The following TBC1D22A variants were observed in gnomAD, a reference collection of about 807,000 sequenced individuals.
TBC1D22A encodes TBC1 domain family member 22A, also known as putative GTPase activator.
A neutral mutation model predicts 60.2 loss-of-function variants in TBC1D22A; 38 were observed. The ratio of observed to expected loss-of-function variants is 0.63; its 90% CI spans 0.49 to 0.83. The LOEUF (loss-of-function observed/expected upper bound fraction) is 0.83. TBC1D22A is among the 40% of genes least tolerant of loss of function. The pLI is 0.00. For synonymous variants in TBC1D22A, 302 were observed against 281.7 expected (o/e 1.07, Z -0.72); for missense variants, 628 against 701.0 (o/e 0.90, Z 1.18).
intron 11 of TBC1D22A, among the ~76,000 whole-genome samples, chr22:47,047,363 G>T (rs976914234): frequency 1.3e-5 from 2 of 152,264 alleles, no homozygotes; most frequent in African/African-American, 4.8e-5. Context: ...TTTGTGGCCG[G>T]TGATTGAAAT....
intron 9 of TBC1D22A, among the ~76,000 whole-genome samples, chr22:46,984,894 T>C (rs2074663144): frequency 6.6e-6 from 1 of 152,148 alleles, no homozygotes; most frequent in Non-Finnish European, 1.5e-5. Context: ...GAGTTGACCA[T>C]TGATGTTAAT....
intron 4 of TBC1D22A, among the ~76,000 whole-genome samples, chr22:46,861,267 C>T (rs548988177): frequency 2.0e-5 from 3 of 152,204 alleles, no homozygotes; most frequent in South Asian, 2.1e-4. Context: ...TTTTATCTCA[C>T]GTAAAATGAC....
Position 47,112,209 on chromosome 22 carries a change from C to T in TBC1D22A, c.1425+606C>T, listed in dbSNP as rs114917116. ...CCACCCCACGTGTTCCTCTGTGAGG[C>T]GTCCCGGGCACACTGTGGACTGTTG... On this transcript the variant is annotated intron_variant, in intron 12 of 12. Coordinates refer to ENST00000337137, the MANE Select transcript of TBC1D22A (RefSeq NM_014346.5). 3.0e-3 allele frequency among the ~76,000 whole-genome samples: 459 copies of T among 152,342 alleles called. 2 individuals are homozygous for T. Among genetic ancestry groups the T allele is most frequent in the African/African-American group, 0.01 (424 of 41,578 alleles).
intron 11 of TBC1D22A, among the ~76,000 whole-genome samples, chr22:47,059,375 G>A (rs979476348): frequency 2.6e-5 from 4 of 152,310 alleles, no homozygotes; most frequent in East Asian, 3.9e-4. Flanking sequence ...GCGTCCCCCC[G>A]GCCTCTCACA....
At chr22:46,883,336 T>C (rs2067944168) in intron 5 of TBC1D22A, among the ~76,000 whole-genome samples, 1 of 152,264 alleles carries the variant, frequency 6.6e-6, no homozygotes, top group South Asian at 2.1e-4. Flanking sequence ...AGTGTTTTTA[T>C]AGCATGCTAA....
chr22:47,100,405 G>C (rs907145290), intron 11 of TBC1D22A, among the ~76,000 whole-genome samples: 7 of 151,962 alleles, frequency 4.6e-5, no homozygotes, highest in Admixed American at 3.3e-4. Flanking sequence ...GCAGGGGCAA[G>C]GCCTGGAGAG....
chr22:47,061,389 G>C (rs980538024), intron 11 of TBC1D22A, among the ~76,000 whole-genome samples: 1 of 152,000 alleles, frequency 6.6e-6, no homozygotes, highest in Non-Finnish European at 1.5e-5. Context: ...TGCCTTGGTC[G>C]TGGTCCCTGC....
At chr22:47,041,344 C>A (rs1297078387) in intron 11 of TBC1D22A, among the ~76,000 whole-genome samples, 1 of 152,200 alleles carries the variant, frequency 6.6e-6, no homozygotes, top group East Asian at 1.9e-4. Flanking sequence ...CGGATCTGGT[C>A]ATTCCTCTAC....
chr22:46,793,770 C>A lies in TBC1D22A; in HGVS notation c.389C>A (p.Pro130Gln), dbSNP rs189329763. The A allele has an allele frequency of 4.4e-6, 7 of 1,604,114 alleles. No individual in the cohort carries two copies. In the African/African-American group the frequency reaches 9.4e-5, roughly 21 times the overall value. The change falls in exon 3 of 13, where the codon CCG (proline) becomes CAG (glutamine). Residue 130 changes from proline to glutamine, a missense_variant. By Grantham distance (76) the Pro-to-Gln change is moderately conservative. Transcript: ENST00000337137. The stretch of plus-strand genomic sequence containing the variant: ...CAGAAGCCCAGGCCCGAGGCAGAGC[C>A]GCCCTCACCCCCCAGCGGCGACCTC... ...LQQKPRPEAE[P>Q]PSPPSGDLRL... is the part of the protein sequence containing the mutation.
intron 9 of TBC1D22A, among the ~76,000 whole-genome samples, chr22:46,992,309 C>T (rs978013992): frequency 1.3e-5 from 2 of 152,264 alleles, no homozygotes; most frequent in East Asian, 1.9e-4. Flanking sequence ...ACGACCCGTC[C>T]GAAACGTTGC....
At chr22:46,902,277 T>C (rs916546463) in intron 7 of TBC1D22A, among the ~76,000 whole-genome samples, 6 of 152,262 alleles carry the variant, frequency 3.9e-5, no homozygotes, top group Non-Finnish European at 8.8e-5. Flanking sequence ...TCTTCAGCCC[T>C]GGTGGTACCC....
At chr22:46,809,319 C>A (rs892871881) in intron 4 of TBC1D22A, among the ~76,000 whole-genome samples, 1 of 152,168 alleles carries the variant, frequency 6.6e-6, no homozygotes, top group African/African-American at 2.4e-5. Context: ...CTCTGGGTCT[C>A]TCCCCATAAG....
At chr22:47,136,788 T>C (rs566331045) in intron 12 of TBC1D22A, among the ~76,000 whole-genome samples, 1 of 152,328 alleles carries the variant, frequency 6.6e-6, no homozygotes, top group East Asian at 1.9e-4. Flanking sequence ...CCAGGACACC[T>C]GTGGCCCTCA....
At chr22:46,773,145 C>T (rs1399767613) in intron 1 of TBC1D22A, among the ~76,000 whole-genome samples, 1 of 152,212 alleles carries the variant, frequency 6.6e-6, no homozygotes, top group East Asian at 1.9e-4. Flanking sequence ...ATCTCTGCCC[C>T]TCCTCAGCTC....
rs181352122 is a variant in TBC1D22A, at chr22:47,082,213, C to G, written c.1330-29295C>G. Among the ~76,000 whole-genome samples, 394 of 152,216 alleles carry G rather than the reference C, an allele frequency of 2.6e-3. 4 individuals carry two copies. The highest frequency in any genetic ancestry group is 8.2e-3 in the African/African-American group (339 of 41,538). ...ACTGATTTTTAAAGTCAGTGAAATCCTAATCAGATTCCTACTAACCTTTAT... is the reference window on the plus strand; with the variant it reads ...ACTGATTTTTAAAGTCAGTGAAATCGTAATCAGATTCCTACTAACCTTTAT... On this transcript the variant is annotated intron_variant, in intron 11 of 12. Transcript: ENST00000337137.
chr22:46,782,704 C>G (rs1257051489), intron 1 of TBC1D22A, among the ~76,000 whole-genome samples: 2 of 152,160 alleles, frequency 1.3e-5, no homozygotes, highest in Non-Finnish European at 2.9e-5. Flanking sequence ...TTTGCCTGTT[C>G]TGGATGTTGT....
intron 12 of TBC1D22A, among the ~76,000 whole-genome samples, chr22:47,125,212 C>A (rs758611342): frequency 6.6e-6 from 1 of 152,166 alleles, no homozygotes; most frequent in Non-Finnish European, 1.5e-5. Flanking sequence ...AATGCACCCC[C>A]CTGGGTTCCT....
chr22:47,126,722 C>T (rs2066471741), intron 12 of TBC1D22A, among the ~76,000 whole-genome samples: 1 of 152,206 alleles, frequency 6.6e-6, no homozygotes, highest in South Asian at 2.1e-4. Flanking sequence ...GCCCAGGGAC[C>T]CTGTGGTTCC....
intron 12 of TBC1D22A, among the ~76,000 whole-genome samples, chr22:47,141,114 A>C (rs1450771090): frequency 6.6e-6 from 1 of 152,226 alleles, no homozygotes; most frequent in East Asian, 1.9e-4. Flanking sequence ...CACATGTTAC[A>C]TGGTAGCAGG....
Sources: gnomAD v4.1 joint callset for allele counts (sites outside exome capture counted in the v4.1 genomes callset) on GRCh38, gnomAD v4.1.1 for gene constraint, MANE v1.5 for transcripts, NCBI Gene and HGNC (gene_info 2026-07-23, HGNC 2026-07-21) for gene names.